The following RPS6KA2 variants were observed in gnomAD, a reference collection of about 807,000 sequenced individuals.
RPS6KA2 encodes the protein ribosomal protein S6 kinase alpha-2.
A neutral mutation model predicts 91.8 loss-of-function variants in RPS6KA2; 42 were observed. That is an observed-to-expected ratio of 0.46 (90% CI 0.36 to 0.59). RPS6KA2 has a LOEUF of 0.59. RPS6KA2 is among the 20% of genes least tolerant of loss of function. The pLI, the probability that RPS6KA2 is intolerant of heterozygous loss-of-function variation, is 0.00. For missense variants in RPS6KA2, 798 were observed against 978.5 expected, an observed-to-expected ratio of 0.82 and a Z score of 2.46; for synonymous variants, 414 against 393.6, an observed-to-expected ratio of 1.05 and a Z score of -0.61.
At chr6:166,428,307 GA>G (rs1778998703) in intron 16 of RPS6KA2, among the ~76,000 whole-genome samples, 1 of 148,612 alleles carries the variant, frequency 6.7e-6, no homozygotes, top group Admixed American at 6.7e-5. Context: ...ATTAATTCAA[GA>G]TGGATTAAAG....
In RPS6KA2 at chr6:166,520,331, G is replaced by C. The variant is rs115871612; in HGVS notation, c.299-9974C>G. Among the ~76,000 whole-genome samples the C allele has an allele frequency of 9.3e-3, 1,418 of 152,254 alleles. 17 individuals are homozygous for C. Among genetic ancestry groups the C allele is most frequent in the African/African-American group, 0.033 (1,354 of 41,546 alleles). ...GGAACTTATACCACCAGCTCTCCTGGTTCTTGGGACTTTGAATTCGGACTG... is the reference window on the plus strand; with the variant it reads ...GGAACTTATACCACCAGCTCTCCTGCTTCTTGGGACTTTGAATTCGGACTG... On this transcript the variant is annotated intron_variant, in intron 3 of 20. Coordinates refer to ENST00000265678, the MANE Select transcript of RPS6KA2 (RefSeq NM_021135.6).
chr6:166,578,073 T>G (rs1370554880), intron 1 of RPS6KA2, among the ~76,000 whole-genome samples: 1 of 152,234 alleles, frequency 6.6e-6, no homozygotes, highest in Non-Finnish European at 1.5e-5. Flanking sequence ...GCCATGATTC[T>G]GAGGCCTCCC....
chr6:166,416,403 ACCATCATCC>A (rs1236460458), intron 19 of RPS6KA2, among the ~76,000 whole-genome samples: 1 of 149,966 alleles, frequency 6.7e-6, no homozygotes, highest in Non-Finnish European at 1.5e-5. Context: ...CATTAGCCTC[ACCATCATCC>A]CCATCACCTC....
chr6:166,636,545 C>T (rs534857887), intron 2 of RPS6KA2, among the ~76,000 whole-genome samples: 9 of 152,330 alleles, frequency 5.9e-5, no homozygotes, highest in African/African-American at 1.9e-4. Flanking sequence ...CCTCCTCCTC[C>T]TCCTTCTCCT....
intron 2 of RPS6KA2, among the ~76,000 whole-genome samples, chr6:166,741,903 G>T (rs1790826346): frequency 6.6e-6 from 1 of 152,204 alleles, no homozygotes; most frequent in Non-Finnish European, 1.5e-5. Flanking sequence ...GAGGAAGGCG[G>T]ATCACCTGAG....
intron 3 of RPS6KA2, among the ~76,000 whole-genome samples, chr6:166,523,287 T>G (rs1782919972): frequency 6.6e-6 from 1 of 152,230 alleles, no homozygotes; most frequent in African/African-American, 2.4e-5. Flanking sequence ...AGGAGACATT[T>G]TCATTTTGTT....
Position 166,666,628 on chromosome 6 carries a change from G to A in RPS6KA2, c.124-127844C>T, listed in dbSNP as rs747396221. ...AACAAATAGCATAATGAGTGTTGGC[G>A]AGGGTGCTGAAAAATTAGAATTGTT... On this transcript the variant is annotated intron_variant, in intron 2 of 21. Transcript: ENST00000503859. This position sits in a 1 kb window ranked among gnomAD's most constrained non-coding sequence, Gnocchi z 4.0. 2.6e-5 allele frequency among the ~76,000 whole-genome samples: 4 copies of A among 152,200 alleles called. No individual in the cohort carries two copies. Among genetic ancestry groups the A allele is most frequent in the African/African-American group, 4.8e-5 (2 of 41,436 alleles).
intron 2 of RPS6KA2, chr6:166,702,720 C>T: frequency 7.8e-7 from 1 of 1,279,642 alleles, no homozygotes. Flanking sequence ...AGTCCACGAA[C>T]GCGTAGCCAA....
chr6:166,485,577 C>A (rs1319247470), intron 10 of RPS6KA2, among the ~76,000 whole-genome samples: 1 of 152,164 alleles, frequency 6.6e-6, no homozygotes, highest in African/African-American at 2.4e-5. Flanking sequence ...GAAACATGAC[C>A]TTTGACATAG....
In RPS6KA2 at chr6:166,459,678, G is replaced by A; in HGVS notation, c.973-127C>T. 3.3e-6 allele frequency: 2 copies of A among 612,334 alleles called. No homozygotes were observed. Among genetic ancestry groups the A allele is most frequent in the Non-Finnish European group, 5.8e-6 (2 of 342,642 alleles). The allele number at this position is 612,334 out of a possible 1,614,324, so 37.9% of individuals were successfully genotyped here. A position where few individuals can be genotyped will look rare whatever the true frequency, so the allele number is the denominator to read the frequency against. ...TTATCACAGACTGCATTGGCCTTGTGGATTACAAGGGATTTCTAAATACTC... is the reference window on the plus strand; with the variant it reads ...TTATCACAGACTGCATTGGCCTTGTAGATTACAAGGGATTTCTAAATACTC... On this transcript the variant is annotated intron_variant, in intron 11 of 20. Transcript: ENST00000265678. This position sits in a 1 kb window ranked among gnomAD's most constrained non-coding sequence, Gnocchi z 4.9.
chr6:166,840,356 G>A lies in RPS6KA2; in HGVS notation c.123+17844C>T, dbSNP rs531648013. Among the ~76,000 whole-genome samples, 32 of 152,256 alleles carry A rather than the reference G, an allele frequency of 2.1e-4. No homozygotes were observed. In the South Asian group the frequency reaches 3.7e-3, roughly 18 times the overall value. ...CCAGGCTTTCATGTGAGAGTGCGACGGCCTTCCTCTCTCTACCTCCCCACG... is the reference window on the plus strand; with the variant it reads ...CCAGGCTTTCATGTGAGAGTGCGACAGCCTTCCTCTCTCTACCTCCCCACG... On this transcript the variant is annotated intron_variant, in intron 2 of 21. Transcript: ENST00000503859.
In RPS6KA2 at chr6:166,410,009, GCT is replaced by G. The variant is rs1165709541; in HGVS notation, c.*2751_*2752del. Reference sequence around the variant, plus strand: ...TGACTTTGGGATGGAATTCAGCAAAGCTCTCCCACTGCAGATTGGGAGAATCA... The same window carrying G: ...TGACTTTGGGATGGAATTCAGCAAAGCTCCCACTGCAGATTGGGAGAATCA... On this transcript the variant is annotated 3_prime_UTR_variant, in exon 21 of 21. Coordinates refer to ENST00000265678, the MANE Select transcript of RPS6KA2 (RefSeq NM_021135.6). The G allele has an allele frequency of 6.6e-6, 1 of 152,200 alleles. No homozygotes were observed. The highest frequency in any genetic ancestry group is 2.1e-4 in the South Asian group (1 of 4,828). 9.4% of individuals were successfully genotyped at this position (152,200 alleles called of 1,614,324 possible).
At chr6:166,795,085 A>G (rs1156645179) in intron 2 of RPS6KA2, among the ~76,000 whole-genome samples, 1 of 152,092 alleles carries the variant, frequency 6.6e-6, no homozygotes, top group East Asian at 1.9e-4. Flanking sequence ...ACTTTTGTAT[A>G]TTTTTCTCAT....
chr6:166,756,060 G>A (rs1777998697), intron 2 of RPS6KA2, among the ~76,000 whole-genome samples: 1 of 152,054 alleles, frequency 6.6e-6, no homozygotes, highest in African/African-American at 2.4e-5. Flanking sequence ...TGTGGCCGAG[G>A]CGGGTGGATC....
At chr6:166,535,293 C>G (rs11961434) in intron 2 of RPS6KA2, among the ~76,000 whole-genome samples, 3 of 152,114 alleles carry the variant, frequency 2.0e-5, no homozygotes, top group Non-Finnish European at 4.4e-5. Flanking sequence ...ATTCTCAGCT[C>G]TCTCTCAGAA....
At chr6:166,571,785 C>A (rs975057979) in intron 1 of RPS6KA2, among the ~76,000 whole-genome samples, 2 of 151,668 alleles carry the variant, frequency 1.3e-5, no homozygotes, top group African/African-American at 4.8e-5. Context: ...CCAGTGTGAG[C>A]GCAGCTTGAA....
chr6:166,696,481 TC>T (rs1789362212), intron 2 of RPS6KA2, among the ~76,000 whole-genome samples: 1 of 152,136 alleles, frequency 6.6e-6, no homozygotes, highest in Admixed American at 6.5e-5. Context: ...AGTGAACATA[TC>T]CACAGCTCAA....
In RPS6KA2 at chr6:166,680,277, C is replaced by T. The variant is rs1788752313; in HGVS notation, c.124-141493G>A. 2.0e-5 allele frequency among the ~76,000 whole-genome samples: 3 copies of T among 152,240 alleles called. No homozygotes were observed. The South Asian group carries it at 6.2e-4, about 32-fold the overall frequency. On this transcript the variant is annotated intron_variant, in intron 2 of 21. Coordinates refer to the RPS6KA2 transcript ENST00000503859. ...GCTAAAGGTTCGTAAACACACCAAT[C>T]AGCACTCTGTCAAAACTGACCAATC...
intron 1 of RPS6KA2, among the ~76,000 whole-genome samples, chr6:166,570,259 C>T (rs958446846): frequency 2.0e-5 from 3 of 152,142 alleles, no homozygotes; most frequent in Non-Finnish European, 2.9e-5. Flanking sequence ...AATGGCAGCA[C>T]CCCGGTATGG....
Sources: gnomAD v4.1 joint callset for allele counts (sites outside exome capture counted in the v4.1 genomes callset) on GRCh38, gnomAD v4.1.1 for gene constraint, Gnocchi (gnomAD v3.1) non-coding constraint, MANE v1.5 for transcripts, NCBI Gene and HGNC (gene_info 2026-07-23, HGNC 2026-07-21) for gene names.